LAMA3: variants seen among roughly 807,000 people sequenced by gnomAD.
LAMA3 encodes laminin subunit alpha-3.
LAMA3 carries 281 observed loss-of-function variants against 402.0 expected under a neutral mutation model. That is an observed-to-expected ratio of 0.70 (90% confidence interval 0.63 to 0.77). LAMA3 has a LOEUF of 0.77. LAMA3 is among the 30% of genes least tolerant of loss of function. The pLI, the probability that LAMA3 is intolerant of heterozygous loss-of-function variation, is 0.00. For synonymous variants in LAMA3, 1,431 were observed against 1,558.4 expected (o/e 0.92, Z 1.93); for missense variants, 3,840 against 4,215.5 (o/e 0.91, Z 2.47).
At chr18:23,710,106 G>A (rs1238488844) in intron 1 of LAMA3, 3 of 718,770 alleles carry the variant, frequency 4.2e-6, no homozygotes, top group Admixed American at 1.7e-5. Context: ...GCGCTCTGCC[G>A]AGGATATTTG....
intron 32 of LAMA3, among the ~76,000 whole-genome samples, chr18:23,851,759 G>T (rs367691059): frequency 1.4e-4 from 22 of 152,182 alleles, no homozygotes; most frequent in Admixed American, 4.6e-4. Context: ...ATTGCAAATC[G>T]ACTCAACCTG....
intron 12 of LAMA3, among the ~76,000 whole-genome samples, chr18:23,803,878 C>T (rs1024471346): frequency 1.9e-4 from 29 of 152,220 alleles, no homozygotes; most frequent in African/African-American, 7.0e-4. Flanking sequence ...CACCATAATG[C>T]TGTAGATGTG....
At chr18:23,902,171 T>G (rs546982983) in intron 48 of LAMA3, among the ~76,000 whole-genome samples, 1 of 151,956 alleles carries the variant, frequency 6.6e-6, no homozygotes, top group Non-Finnish European at 1.5e-5. Context: ...AAAATTTTTT[T>G]AAAAATTAGC....
chr18:23,786,468 G>C (rs1371026368), intron 12 of LAMA3, among the ~76,000 whole-genome samples: 2 of 152,148 alleles, frequency 1.3e-5, no homozygotes, highest in Admixed American at 6.5e-5. Context: ...GGCACTTCAG[G>C]CTGAGAATTC....
chr18:23,698,831 A>T (rs1598600863), intron 1 of LAMA3, among the ~76,000 whole-genome samples: 1 of 152,172 alleles, frequency 6.6e-6, no homozygotes, highest in Non-Finnish European at 1.5e-5. Context: ...GGCAGAAAAG[A>T]CCCCTGTCCT....
chr18:23,730,360 TTTTC>T (rs1411859073), intron 2 of LAMA3, among the ~76,000 whole-genome samples: 5 of 143,254 alleles, frequency 3.5e-5, no homozygotes, highest in Non-Finnish European at 7.5e-5. Flanking sequence ...CTTTTTTTCT[TTTTC>T]TTTCTTTTTT....
chr18:23,826,622 C>G (rs1322430328), intron 21 of LAMA3, 80 bp from the exon 22 acceptor site: 1 of 1,013,834 alleles, frequency 9.9e-7, no homozygotes, highest in Non-Finnish European at 1.5e-6. Context: ...ATTGATTTAA[C>G]TAGTATGTTT....
rs720064 is a variant in LAMA3, at chr18:23,890,360, T to A, written c.5410+243T>A. Among the ~76,000 whole-genome samples, 78,925 of 151,850 alleles carry A rather than the reference T, an allele frequency of 0.52. 21,664 individuals are homozygous for A. Among genetic ancestry groups the A allele is most frequent in the Middle Eastern group, 0.63 (186 of 294 alleles). On this transcript the variant is annotated intron_variant, in intron 42 of 74. Transcript: ENST00000313654. Reference sequence around the variant, plus strand: ...CCTGTTTCAATGCACTTTTTTTTTTTAAAAAGTGAATTGTTTTTGAAACTT... The same window carrying A: ...CCTGTTTCAATGCACTTTTTTTTTTAAAAAAGTGAATTGTTTTTGAAACTT...
In LAMA3 at chr18:23,791,569, T is replaced by A. The variant is rs570273904; in HGVS notation, c.1603+7412T>A. On this transcript the variant is annotated intron_variant, in intron 12 of 74. Coordinates refer to ENST00000313654, the MANE Select transcript of LAMA3 (RefSeq NM_198129.4). ...CAACATGGTGAAACCCTGTCTCTAC[T>A]AAAAAAATACAAAAATTAGCCAGGC... Among the ~76,000 whole-genome samples, 57 of 151,714 alleles carry A rather than the reference T, an allele frequency of 3.8e-4. 3 individuals are homozygous for A. The South Asian group carries it at 0.01, about 27-fold the overall frequency.
At chr18:23,800,128 C>T (rs553778357) in intron 12 of LAMA3, among the ~76,000 whole-genome samples, 2 of 152,334 alleles carry the variant, frequency 1.3e-5, no homozygotes, top group East Asian at 1.9e-4. Context: ...GTTCTTGCCT[C>T]GCCAACTTGG....
intron 2 of LAMA3, among the ~76,000 whole-genome samples, chr18:23,725,651 C>A (rs1221119243): frequency 6.6e-6 from 1 of 152,202 alleles, no homozygotes; most frequent in Non-Finnish European, 1.5e-5. Flanking sequence ...AGGGCACAGA[C>A]AATGTGACCA....
At position 23,717,719 on chromosome 18, in the gene LAMA3, A is replaced by ATTTTTTTTT. The variant is rs1568109215; in HGVS notation, c.447+3647_447+3648insTTTTTTTTT. Among the ~76,000 whole-genome samples the ATTTTTTTTT allele has an allele frequency of 6.8e-5, 8 of 116,806 alleles. 4 individuals are homozygous for ATTTTTTTTT. The highest frequency in any genetic ancestry group is 1.8e-4 in the Admixed American group (2 of 11,088). 76.6% of individuals were successfully genotyped at this position (116,806 alleles called of 152,430 possible). On this transcript the variant is annotated intron_variant, in intron 2 of 74. Transcript: ENST00000313654. ...AGGTGCCCACCACCATGCCTGGCTA[A>ATTTTTTTTT]ATTTTTTTTTTTTTTTTTTTTTTTT...
At chr18:23,800,594 A>T (rs1176258667) in intron 12 of LAMA3, among the ~76,000 whole-genome samples, 1 of 152,184 alleles carries the variant, frequency 6.6e-6, no homozygotes, top group East Asian at 1.9e-4. Context: ...ATTGTTAACC[A>T]CATTCACCCT....
At chr18:23,774,596 G>A (rs1248443879) in intron 9 of LAMA3, among the ~76,000 whole-genome samples, 1 of 152,212 alleles carries the variant, frequency 6.6e-6, no homozygotes, top group African/African-American at 2.4e-5. Flanking sequence ...TGAATCTTGG[G>A]TCAGATTTAC....
At chr18:23,910,460 G>T (rs960192846) in intron 55 of LAMA3, among the ~76,000 whole-genome samples, 3 of 152,188 alleles carry the variant, frequency 2.0e-5, no homozygotes, top group African/African-American at 7.2e-5. Context: ...TGCCTGGTTG[G>T]CATTGGCACT....
intron 2 of LAMA3, among the ~76,000 whole-genome samples, chr18:23,726,116 G>A (rs2061295637): frequency 6.6e-6 from 1 of 152,176 alleles, no homozygotes; most frequent in African/African-American, 2.4e-5. Context: ...TATCCTGGGA[G>A]CTCCCAAAGA....
chr18:23,698,270 G>T (rs1234978409), intron 1 of LAMA3, among the ~76,000 whole-genome samples: 1 of 147,662 alleles, frequency 6.8e-6, no homozygotes, highest in African/African-American at 2.5e-5. Context: ...GCAGTGGCGC[G>T]ATCTCGGCTC....
chr18:23,867,692 T>C, intron 36 of LAMA3, 142 bp from the exon 37 acceptor site: 1 of 729,610 alleles, frequency 1.4e-6, no homozygotes, highest in Non-Finnish European at 2.5e-6. Flanking sequence ...CTAATATTTT[T>C]ACCAGTCAGT....
intron 70 of LAMA3, among the ~76,000 whole-genome samples, chr18:23,948,280 C>G (rs1159553894): frequency 6.6e-6 from 1 of 152,156 alleles, no homozygotes; most frequent in Non-Finnish European, 1.5e-5. Context: ...TTTTTGCAGC[C>G]TTCTTTCAAC....
Sources: gnomAD v4.1 joint callset for allele counts (sites outside exome capture counted in the v4.1 genomes callset) on GRCh38, gnomAD v4.1.1 for gene constraint, MANE v1.5 for transcripts, NCBI Gene and HGNC (gene_info 2026-07-23, HGNC 2026-07-21) for gene names.